Variants in MYO9B observed in about 807,000 individuals in gnomAD.
MYO9B encodes the protein unconventional myosin-IXb.
A neutral mutation model predicts 229.5 loss-of-function variants in MYO9B; 71 were observed. The observed-to-expected ratio is 0.31, with a 90% CI of 0.26 to 0.38. MYO9B has a LOEUF of 0.38. Among genes scored for constraint, MYO9B ranks in the 10% least tolerant of loss-of-function variants. The pLI is 1.00. For synonymous variants in MYO9B, 1,185 were observed against 1,235.8 expected (o/e 0.96, Z 0.86); for missense variants, 2,255 against 2,920.5 (o/e 0.77, Z 5.25).
At chr19:17,118,680 G>C (rs1019950965) in intron 2 of MYO9B, among the ~76,000 whole-genome samples, 1 of 151,932 alleles carries the variant, frequency 6.6e-6, no homozygotes, top group Admixed American at 6.5e-5. Flanking sequence ...ACATGGTTTC[G>C]CCATGTTGGC....
chr19:17,203,276 C>A lies in MYO9B; in HGVS notation c.4990+18C>A. ...CTGCAGCGGTGAGTGGCTCCCCCAC[C>A]AGGCCCCAAAACCCTCCATGTCCCC... On this transcript the variant is annotated intron_variant, in intron 30 of 39. Transcript: ENST00000682292. 1.3e-6 allele frequency: 2 copies of A among 1,532,170 alleles called. No individual in the cohort carries two copies. 94.9% of individuals were successfully genotyped at this position (1,532,170 alleles called of 1,614,324 possible).
intron 15 of MYO9B, among the ~76,000 whole-genome samples, chr19:17,183,214 G>T (rs367769399): frequency 6.6e-6 from 1 of 152,168 alleles, no homozygotes; most frequent in South Asian, 2.1e-4. Flanking sequence ...GAGCCACTGC[G>T]CCTGGCCAGC....
chr19:17,211,244 G>T (rs534984294), intron 38 of MYO9B, among the ~76,000 whole-genome samples: 1 of 152,154 alleles, frequency 6.6e-6, no homozygotes, highest in African/African-American at 2.4e-5. Context: ...GCCTCCCAAA[G>T]TGTTGGGATT....
At chr19:17,113,274 G>A (rs764173502) in intron 2 of MYO9B, among the ~76,000 whole-genome samples, 7 of 152,104 alleles carry the variant, frequency 4.6e-5, no homozygotes, top group African/African-American at 1.4e-4. Context: ...AGGAGGGTCC[G>A]GGGCAGCAGC....
chr19:17,181,645 G>A (rs899613076), intron 15 of MYO9B, among the ~76,000 whole-genome samples: 1 of 152,192 alleles, frequency 6.6e-6, no homozygotes, highest in Non-Finnish European at 1.5e-5. Flanking sequence ...ATCCACCTGC[G>A]GTCACCACAT....
chr19:17,126,086 GC>G (rs2058015260), intron 2 of MYO9B, among the ~76,000 whole-genome samples: 1 of 152,066 alleles, frequency 6.6e-6, no homozygotes. Flanking sequence ...CCCCGACATG[GC>G]CCCCACTAAC....
At position 17,137,860 on chromosome 19, in the gene MYO9B, C is replaced by T. The variant is rs1262581633; in HGVS notation, c.841-7537C>T. 4.0e-5 allele frequency among the ~76,000 whole-genome samples: 6 copies of T among 151,770 alleles called. 1 individual carries two copies. The highest frequency in any genetic ancestry group is 3.9e-4 in the Admixed American group (6 of 15,198). ...GCTGAAGCAATCCTCCCACCTCAGC[C>T]TCCAAAGTAACTGGAACTACAGGCA... On this transcript the variant is annotated intron_variant, in intron 2 of 39. Coordinates refer to ENST00000682292, the MANE Select transcript of MYO9B (RefSeq NM_004145.4).
rs370689291 is a variant in MYO9B at position 17,194,943 on chromosome 19, G to C, written c.3516G>C (p.Glu1172Asp). 2.5e-6 allele frequency: 4 copies of C among 1,613,320 alleles called. No individual in the cohort carries two copies. The African/African-American group carries it at 5.3e-5, about 22-fold the overall frequency. ...AACACATCCAGTCCTGCAAGGAGGA[G>C]AGTGCCCTCAGAGAACCTTCCAGAA... Reference protein sequence around the residue: ...QNKHIQSCKEESALREPSRRV... With the variant: ...QNKHIQSCKEDSALREPSRRV... Residue 1172 changes from glutamate (E) to aspartate (D), a missense_variant, in exon 22 of 40, where the codon GAG becomes GAC. Coordinates refer to ENST00000682292, the MANE Select transcript of MYO9B (RefSeq NM_004145.4).
In MYO9B at chr19:17,212,214, C is replaced by A; in HGVS notation, c.6378C>A (p.Pro2126=). ...TGCCAGTGCAGGGCGCCCTGGAGCCCCTAGAAGAGGATGGCCAGCCACCTG... is the reference window on the plus strand; with the variant it reads ...TGCCAGTGCAGGGCGCCCTGGAGCCACTAGAAGAGGATGGCCAGCCACCTG... ...ADLPVQGALE[P]LEEDGQPPGA... is the part of the protein sequence containing the mutation. Residue 2126 remains proline, a synonymous_variant, in exon 40 of 40, where the codon CCC becomes CCA. Coordinates refer to ENST00000682292, the MANE Select transcript of MYO9B (RefSeq NM_004145.4). This position sits in a 1 kb window ranked among gnomAD's most constrained non-coding sequence, Gnocchi z 5.4. 6.3e-7 allele frequency: 1 copy of A among 1,583,832 alleles called. No homozygotes were observed. Among genetic ancestry groups the A allele is most frequent in the African/African-American group, 1.3e-5 (1 of 74,336 alleles).
chr19:17,176,754 G>A (rs1321516197), intron 14 of MYO9B, among the ~76,000 whole-genome samples: 1 of 152,106 alleles, frequency 6.6e-6, no homozygotes, highest in Non-Finnish European at 1.5e-5. Context: ...GCCTGGAGTG[G>A]CCCAAAAGTA....
At chr19:17,105,848 A>G (rs919949867) in intron 2 of MYO9B, among the ~76,000 whole-genome samples, 4 of 152,148 alleles carry the variant, frequency 2.6e-5, no homozygotes, top group African/African-American at 9.7e-5. Context: ...TATGTAGCCT[A>G]TTCCTGTTTT....
intron 2 of MYO9B, among the ~76,000 whole-genome samples, chr19:17,129,749 G>C (rs944128834): frequency 1.3e-5 from 2 of 152,206 alleles, no homozygotes; most frequent in Non-Finnish European, 2.9e-5. Context: ...CTCACCACAG[G>C]TCATGATATG....
intron 2 of MYO9B, among the ~76,000 whole-genome samples, chr19:17,134,007 C>T (rs904361331): frequency 1.3e-5 from 2 of 152,070 alleles, no homozygotes; most frequent in African/African-American, 4.8e-5. Flanking sequence ...ATGATCTGCC[C>T]GCCTCGGCCT....
rs61734357 is a variant in MYO9B at position 17,205,328 on chromosome 19, G to A, written c.5056G>A (p.Gly1686Arg). Reference protein sequence around the residue: ...KIQSHCSYTYGRKGEPGVEPG... With the variant: ...KIQSHCSYTYRRKGEPGVEPG... ...TCAGAGCCACTGCTCCTACACCTAC[G>A]GGAGGAAGGTGAGTGTACGAGGCCT... The change falls in exon 31 of 40, where the codon GGG becomes AGG. Residue 1686 changes from glycine (G) to arginine (R), a missense_variant. Gly to Arg is a moderately radical substitution (Grantham distance 125, BLOSUM62 -2). Around this residue, in one of 7 missense-constraint regions of MYO9B, gnomAD observed 416 missense variants for 605.5 expected, o/e 0.69. Transcript: ENST00000682292. 3,516 of 1,613,600 alleles carry A rather than the reference G, an allele frequency of 2.2e-3. 48 individuals carry two copies. The African/African-American group carries it at 0.04, about 18-fold the overall frequency.
chr19:17,185,826 C>G (rs942758816), intron 17 of MYO9B, 95 bp from the exon 18 acceptor site: 2 of 976,260 alleles, frequency 2.0e-6, no homozygotes, highest in Non-Finnish European at 3.2e-6. Flanking sequence ...CCATCCACCC[C>G]ACACTGATGC....
At chr19:17,115,136 G>A (rs371727072) in intron 2 of MYO9B, among the ~76,000 whole-genome samples, 4 of 151,934 alleles carry the variant, frequency 2.6e-5, no homozygotes, top group African/African-American at 7.3e-5. Flanking sequence ...CTACAGCCAC[G>A]TGCCACCACG....
chr19:17,098,060 C>G (rs2057710078), intron 1 of MYO9B, among the ~76,000 whole-genome samples: 3 of 137,942 alleles, frequency 2.2e-5, no homozygotes, highest in African/African-American at 8.0e-5. Flanking sequence ...CCCCCCCCAC[C>G]TTTTTTTTCT....
chr19:17,149,461 C>G (rs1317002450), intron 3 of MYO9B, among the ~76,000 whole-genome samples: 1 of 152,168 alleles, frequency 6.6e-6, no homozygotes, highest in Non-Finnish European at 1.5e-5. Context: ...CCAGGTCTCC[C>G]AGACCAGCTT....
At chr19:17,134,377 G>GTT (rs1568267173) in intron 2 of MYO9B, among the ~76,000 whole-genome samples, 4 of 39,724 alleles carry the variant, frequency 1.0e-4, no homozygotes, top group African/African-American at 2.8e-4. Flanking sequence ...TTTTCGTTTT[G>GTT]TTTGTTTTTT....
Sources: gnomAD v4.1 joint callset for allele counts (sites outside exome capture counted in the v4.1 genomes callset) on GRCh38, gnomAD v4.1.1 for gene constraint, gnomAD v4.1.1 regional missense constraint, Gnocchi (gnomAD v3.1) non-coding constraint, MANE v1.5 for transcripts, NCBI Gene and HGNC (gene_info 2026-07-23, HGNC 2026-07-21) for gene names.